The following LRP2 variants were observed in gnomAD, a reference collection of about 807,000 sequenced individuals.
LRP2 encodes LDL receptor related protein 2.
In LRP2, 172 loss-of-function variants were observed where a neutral mutation model predicts 531.0. The ratio of observed to expected loss-of-function variants is 0.32; its 90% CI spans 0.29 to 0.37. The LOEUF (loss-of-function observed/expected upper bound fraction) is 0.37, where lower values mean the gene tolerates loss of function less well. Among genes scored for constraint, LRP2 ranks in the 10% least tolerant of loss-of-function variants. The pLI is 1.00. For missense variants in LRP2, 5,167 were observed against 5,868.3 expected, an observed-to-expected ratio of 0.88 and a Z score of 3.90; for synonymous variants, 1,992 against 2,027.6, an observed-to-expected ratio of 0.98 and a Z score of 0.47.
rs2105550955 is a variant in LRP2, at chr2:169,337,843, A to G, written c.80-16959T>C. 2.0e-5 allele frequency among the ~76,000 whole-genome samples: 3 copies of G among 152,318 alleles called. 1 individual carries two copies. In the Middle Eastern group the frequency reaches 0.01, roughly 518 times the overall value. On this transcript the variant is annotated intron_variant, in intron 1 of 78. Transcript: ENST00000649046. The stretch of plus-strand genomic sequence containing the variant: ...GACTTGAGGCCAGGTAAGGTAGCTC[A>G]CGCCTATAATCCCAACACTTTGGGA...
chr2:169,292,412 G>A (rs764665058), intron 6 of LRP2, 43 bp from the exon 7 acceptor site: 40 of 1,276,086 alleles, frequency 3.1e-5, no homozygotes, highest in South Asian at 1.2e-4. Context: ...ACAAATCACC[G>A]GGAAAAACTG....
In LRP2 at chr2:169,185,540, G is replaced by A. The variant is rs1430237284; in HGVS notation, c.9808C>T (p.Pro3270Ser). ...NKETIINHRL[P>S]AAESLAVDWV... ...TCTACAGCCAGACTTTCTGCAGCTG[G>A]TAGTCTGTGGTTTATGATTGTCTCC... The change falls in exon 50 of 79, where the codon CCA becomes TCA. Residue 3270 changes from proline (P) to serine (S), a missense_variant. By Grantham distance (74) the Pro-to-Ser change is moderately conservative (BLOSUM62 -1). Transcript: ENST00000649046. 1 of 1,613,730 alleles carries A rather than the reference G, an allele frequency of 6.2e-7. No individual in the cohort carries two copies. The highest frequency in any genetic ancestry group is 1.1e-5 in the South Asian group (1 of 91,074).
rs1358148887 is a variant in LRP2 at position 169,300,411 on chromosome 2, T to C, written c.428-5701A>G. Among the ~76,000 whole-genome samples the C allele has an allele frequency of 4.0e-5, 6 of 149,706 alleles. No homozygotes were observed. The South Asian group carries it at 6.3e-4, about 16-fold the overall frequency. On this transcript the variant is annotated intron_variant, in intron 4 of 78. Transcript: ENST00000649046. Reference sequence around the variant, plus strand: ...AATATTTTCAGGAGATTGGTGAAGATGAAGGACTATTTTCAGTGGGTTCTA... The same window carrying C: ...AATATTTTCAGGAGATTGGTGAAGACGAAGGACTATTTTCAGTGGGTTCTA...
intron 24 of LRP2, among the ~76,000 whole-genome samples, chr2:169,242,648 A>G (rs1038908900): frequency 6.6e-6 from 1 of 152,198 alleles, no homozygotes; most frequent in Non-Finnish European, 1.5e-5. Context: ...TAGAGCCTCA[A>G]AAGTTTAAAC....
At chr2:169,285,213 T>A (rs1263438705) in intron 9 of LRP2, among the ~76,000 whole-genome samples, 1 of 151,306 alleles carries the variant, frequency 6.6e-6, no homozygotes, top group East Asian at 1.9e-4. Context: ...TCCCAGCTAT[T>A]CGGGAGGCTG....
intron 59 of LRP2, 102 bp downstream of exon 59, chr2:169,170,449 T>C (rs1686952963): frequency 2.3e-6 from 2 of 871,386 alleles, no homozygotes; most frequent in Non-Finnish European, 2.0e-6. Context: ...ATTACACATA[T>C]ACAAAAATAA....
chr2:169,134,585 A>T (rs1685423405), intron 76 of LRP2, among the ~76,000 whole-genome samples: 1 of 152,158 alleles, frequency 6.6e-6, no homozygotes, highest in Admixed American at 6.5e-5. Context: ...GCTATGCTAT[A>T]GTATCTTCCA....
intron 61 of LRP2, among the ~76,000 whole-genome samples, chr2:169,168,018 A>AATATATATATATATATATAT (rs4001548): frequency 0.056 from 3,759 of 67,522 alleles, 405 homozygotes; most frequent in Non-Finnish European, 0.067. Context: ...CAGGGTTTAA[A>AATATATATATATATATATAT]ATATATATAT....
In LRP2 at chr2:169,294,097, C is replaced by T. The variant is rs562389224; in HGVS notation, c.652+51G>A. On this transcript the variant is annotated intron_variant, in intron 6 of 78. Transcript: ENST00000649046. Reference sequence around the variant, plus strand: ...GGGATAAAACAAAACAAAACCGAAACAAAACAAAACACTCCCAACAACATG... The same window carrying T: ...GGGATAAAACAAAACAAAACCGAAATAAAACAAAACACTCCCAACAACATG... 3.0e-6 allele frequency: 4 copies of T among 1,344,720 alleles called. No homozygotes were observed. The South Asian group carries it at 3.5e-5, about 12-fold the overall frequency. 83.3% of individuals were successfully genotyped at this position (1,344,720 alleles called of 1,614,324 possible). A position where few individuals can be genotyped will look rare whatever the true frequency, so the allele number is the denominator to read the frequency against.
In LRP2 at chr2:169,145,906, G is replaced by T; in HGVS notation, c.12829C>A (p.Leu4277Met). 1 of 1,614,032 alleles carries T rather than the reference G, an allele frequency of 6.2e-7. No individual in the cohort carries two copies. Among genetic ancestry groups the T allele is most frequent in the South Asian group, 1.1e-5 (1 of 91,086 alleles). ...IAKEAMNPYS[L>M]DIFEDQLYWI... ...TATAACTGGTCTTCAAAGATGTCCA[G>T]GCTGTAAGGGTTCATTGCTGCTTAC... Residue 4277 changes from leucine to methionine, a missense_variant, in exon 70 of 79, where the codon CTG (leucine) becomes ATG (methionine). Leu to Met is a conservative substitution (Grantham distance 15). Around this residue, in one of 6 missense-constraint regions of LRP2, gnomAD observed 564 missense variants for 747.7 expected, o/e 0.75. Coordinates refer to ENST00000649046, the MANE Select transcript of LRP2 (RefSeq NM_004525.3).
intron 29 of LRP2, among the ~76,000 whole-genome samples, chr2:169,235,518 C>T (rs549366748): frequency 7.2e-5 from 11 of 152,250 alleles, no homozygotes; most frequent in South Asian, 2.1e-4. Flanking sequence ...GGATCACAGG[C>T]GTGAGCCACC....
At chr2:169,358,377 C>T (rs1027911576) in intron 1 of LRP2, among the ~76,000 whole-genome samples, 1 of 152,064 alleles carries the variant, frequency 6.6e-6, no homozygotes, top group African/African-American at 2.4e-5. Context: ...TGCAAGCAGA[C>T]CAGTTGATAT....
chr2:169,309,137 G>A (rs924535624), intron 3 of LRP2, among the ~76,000 whole-genome samples: 3 of 152,072 alleles, frequency 2.0e-5, no homozygotes, highest in Admixed American at 6.5e-5. Context: ...TTTGTCAGAT[G>A]GGTAGATTGC....
chr2:169,236,439 T>A (rs1235699225), intron 28 of LRP2, among the ~76,000 whole-genome samples: 1 of 152,234 alleles, frequency 6.6e-6, no homozygotes, highest in African/African-American at 2.4e-5. Flanking sequence ...GATAAGGAAA[T>A]CAATTTATTC....
intron 68 of LRP2, among the ~76,000 whole-genome samples, chr2:169,149,188 T>C (rs554729461): frequency 9.2e-5 from 14 of 152,138 alleles, no homozygotes; most frequent in African/African-American, 3.4e-4. Flanking sequence ...TTCAAATGAG[T>C]TTATATATGT....
chr2:169,243,443 A>G lies in LRP2; in HGVS notation c.3510T>C (p.Gly1170=). The stretch of plus-strand genomic sequence containing the variant: ...CAGATCCATCAACACAATCCTTGTC[A>G]CCATCACAGACAAACGATAGGTCAA... ...RCIDLSFVCD[G]DKDCVDGSDE... Residue 1170 remains glycine, a synonymous_variant, in exon 23 of 79, where the codon GGT becomes GGC. Coordinates refer to ENST00000649046, the MANE Select transcript of LRP2 (RefSeq NM_004525.3). 2 of 1,614,186 alleles carry G rather than the reference A, an allele frequency of 1.2e-6. No individual in the cohort carries two copies. Among genetic ancestry groups the G allele is most frequent in the African/African-American group, 2.7e-5 (2 of 75,062 alleles).
At chr2:169,190,529 T>C (rs964141278) in intron 48 of LRP2, among the ~76,000 whole-genome samples, 3 of 152,050 alleles carry the variant, frequency 2.0e-5, no homozygotes, top group Admixed American at 2.0e-4. Context: ...TTAGCGCCTG[T>C]TGATGAGCTG....
intron 34 of LRP2, among the ~76,000 whole-genome samples, chr2:169,218,595 G>C (rs1467622370): frequency 1.3e-5 from 2 of 152,044 alleles, no homozygotes; most frequent in Non-Finnish European, 2.9e-5. Flanking sequence ...CCCCATGAAA[G>C]AGACTGCCTC....
At chr2:169,202,449 G>T (rs2284675) in intron 43 of LRP2, among the ~76,000 whole-genome samples, 1 of 151,850 alleles carries the variant, frequency 6.6e-6, no homozygotes, top group Non-Finnish European at 1.5e-5. Flanking sequence ...CTTACTCCTC[G>T]CAAGAACCCT....
Sources: gnomAD v4.1 joint callset for allele counts (sites outside exome capture counted in the v4.1 genomes callset) on GRCh38, gnomAD v4.1.1 for gene constraint, gnomAD v4.1.1 regional missense constraint, MANE v1.5 for transcripts, NCBI Gene and HGNC (gene_info 2026-07-23, HGNC 2026-07-21) for gene names.